MUC5AC: variants seen among roughly 807,000 people sequenced by gnomAD.
MUC5AC encodes the protein mucin-5AC.
A neutral mutation model predicts 169.7 loss-of-function variants in MUC5AC; 158 were observed. That is an observed-to-expected ratio of 0.93 (90% confidence interval 0.82 to 1.06). The LOEUF (loss-of-function observed/expected upper bound fraction) is 1.06. MUC5AC is among the 50% of genes least tolerant of loss of function. The pLI is 0.00. For missense variants in MUC5AC, 4,359 were observed against 3,089.9 expected, an observed-to-expected ratio of 1.41 and a Z score of -9.74; for synonymous variants, 1,975 against 1,237.0, an observed-to-expected ratio of 1.60 and a Z score of -12.52.
intron 16 of MUC5AC, among the ~76,000 whole-genome samples, chr11:1,173,163 CACCT>C (rs1860589648): frequency 6.6e-6 from 1 of 152,150 alleles, no homozygotes; most frequent in Admixed American, 6.5e-5. Context: ...CTAATTCCTT[CACCT>C]ACTCATCTAC....
chr11:1,178,745 C>T, intron 25 of MUC5AC, 62 bp downstream of exon 25: 2 of 903,262 alleles, frequency 2.2e-6, no homozygotes, highest in Non-Finnish European at 2.9e-6. Flanking sequence ...AAGGAGCCCC[C>T]AGAAGGGAGA....
chr11:1,175,192 A>C, intron 18 of MUC5AC, 26 bp from the exon 19 acceptor site: 1 of 398,730 alleles, frequency 2.5e-6, no homozygotes, highest in East Asian at 3.6e-5. Flanking sequence ...GCCCAGGCTG[A>C]GGCTCTGACC....
Position 1,187,795 on chromosome 11 carries a change from C to G in MUC5AC, c.9650C>G (p.Pro3217Arg), listed in dbSNP as rs1554928351. 1 of 765,012 alleles carries G rather than the reference C, an allele frequency of 1.3e-6. No homozygotes were observed. The highest frequency in any genetic ancestry group is 2.4e-6 in the Non-Finnish European group (1 of 417,866). 47.4% of individuals were successfully genotyped at this position (765,012 alleles called of 1,614,324 possible). ...ATATCCAAGACAACCCACTCCCAAC[C>G]AGTCACCAGAGACTGTCATCTCCGG... ...VSISKTTHSQ[P>R]VTRDCHLRCT... Residue 3217 changes from proline (P) to arginine (R), a missense_variant, in exon 31 of 49, where the codon CCA (proline) becomes CGA (arginine). By Grantham distance (103) the Pro-to-Arg change is moderately radical (BLOSUM62 -2). Coordinates refer to ENST00000621226, the MANE Select transcript of MUC5AC (RefSeq NM_001304359.2).
chr11:1,182,061 C>T (rs1590143710), intron 30 of MUC5AC, 94 bp from the exon 31 acceptor site: 8 of 397,230 alleles, frequency 2.0e-5, no homozygotes, highest in East Asian at 1.4e-4. Flanking sequence ...GACCTGCTGG[C>T]GCAGCTCCAG....
At position 1,180,601 on chromosome 11, in the gene MUC5AC, C is replaced by T. The variant is rs989642787; in HGVS notation, c.3776+85C>T. The T allele has an allele frequency of 2.5e-3, 977 of 398,628 alleles. 4 individuals carry two copies. Among genetic ancestry groups the T allele is most frequent in the Middle Eastern group, 0.013 (21 of 1,592 alleles). 24.7% of individuals were successfully genotyped at this position (398,628 alleles called of 1,614,324 possible). On this transcript the variant is annotated intron_variant, in intron 28 of 48. Coordinates refer to ENST00000621226, the MANE Select transcript of MUC5AC (RefSeq NM_001304359.2). ...CCTGGGCTTTGGGTGGGGCTGGGAG[C>T]GGCAGGGCTGGGGACCTCCCCGTTA...
At chr11:1,197,768 G>A (rs79256384) in intron 41 of MUC5AC, 129 bp downstream of exon 41, 8 of 629,372 alleles carry the variant, frequency 1.3e-5, no homozygotes, top group East Asian at 2.7e-5. Context: ...CCCCTCCTCC[G>A]CTTCCGCAAC....
Position 1,164,207 on chromosome 11 carries a change from C to G in MUC5AC, c.891C>G (p.Phe297Leu). 6.2e-7 allele frequency: 1 copy of G among 1,612,646 alleles called. No homozygotes were observed. Among genetic ancestry groups the G allele is most frequent in the South Asian group, 1.1e-5 (1 of 91,090 alleles). The stretch of plus-strand genomic sequence containing the variant: ...AGGCTTGCAGGCAAGACCTCTGCTT[C>G]TGTGAAGACACCGACCTGCTCAGCT... ...YLEACRQDLCFCEDTDLLSCV... is the reference protein window; with the variant it reads ...YLEACRQDLCLCEDTDLLSCV... Residue 297 changes from phenylalanine (F) to leucine (L), a missense_variant, in exon 8 of 49, where the codon TTC becomes TTG. Transcript: ENST00000621226.
Position 1,199,453 on chromosome 11 carries a change from C to T in MUC5AC, c.16478C>T (p.Thr5493Ile). The change falls in exon 46 of 49, where the codon ACC (threonine) becomes ATC (isoleucine). Residue 5493 changes from threonine to isoleucine, a missense_variant. Physicochemically the swap from Thr to Ile is moderately conservative, Grantham distance 89 (BLOSUM62 -1). Transcript: ENST00000621226. The stretch of plus-strand genomic sequence containing the variant: ...CACCAGGATGGGCTCGTGGTGGTCA[C>T]CACGAAGAAGGCGTGCCCCCCGCTC... ...EKHQDGLVVVTTKKACPPLSC... is the reference protein window; with the variant it reads ...EKHQDGLVVVITKKACPPLSC... The T allele has an allele frequency of 2.8e-6, 2 of 727,080 alleles. No homozygotes were observed. The highest frequency in any genetic ancestry group is 1.4e-5 in the South Asian group (1 of 69,242). 45.0% of individuals were successfully genotyped at this position (727,080 alleles called of 1,614,324 possible).
chr11:1,176,608 T>G lies in MUC5AC; in HGVS notation c.2597T>G (p.Val866Gly), dbSNP rs1018329732. 2.0e-4 allele frequency: 78 copies of G among 398,988 alleles called. No individual in the cohort carries two copies. Among genetic ancestry groups the G allele is most frequent in the African/African-American group, 1.3e-3 (65 of 48,766 alleles). The allele number at this position is 398,988 out of a possible 1,614,324, so 24.7% of individuals were successfully genotyped here. The change falls in exon 21 of 49, where the codon GTG (valine) becomes GGG (glycine). Residue 866 changes from valine to glycine, a missense_variant. Val to Gly is a moderately radical substitution (Grantham distance 109, BLOSUM62 -3). Coordinates refer to ENST00000621226, the MANE Select transcript of MUC5AC (RefSeq NM_001304359.2). ...ATCACTGCGGAGGACTGCCCCTGCG[T>G]GCACAATGAGGCCAGCTACCGGGCC... ...GCITAEDCPC[V>G]HNEASYRAGQ...
At position 1,191,551 on chromosome 11, in the gene MUC5AC, C is replaced by T. The variant is rs1861097253; in HGVS notation, c.13406C>T (p.Pro4469Leu). The change falls in exon 31 of 49, where the codon CCT becomes CTT. Residue 4469 changes from proline (P) to leucine (L), a missense_variant. Physicochemically the swap from Pro to Leu is moderately conservative, Grantham distance 98. Coordinates refer to ENST00000621226, the MANE Select transcript of MUC5AC (RefSeq NM_001304359.2). ...CCTACAACCAGCACAACCTCTGCTCCTATAACCAGCATGACCTCTGGTCCT... is the reference window on the plus strand; with the variant it reads ...CCTACAACCAGCACAACCTCTGCTCTTATAACCAGCATGACCTCTGGTCCT... ...SLPTTSTTSAPITSMTSGPGT... is the reference protein window; with the variant it reads ...SLPTTSTTSALITSMTSGPGT... The T allele has an allele frequency of 4.6e-6, 3 of 647,378 alleles. No individual in the cohort carries two copies. Among genetic ancestry groups the T allele is most frequent in the African/African-American group, 1.8e-5 (1 of 54,870 alleles). 40.1% of individuals were successfully genotyped at this position (647,378 alleles called of 1,614,324 possible). A position where few individuals can be genotyped will look rare whatever the true frequency, so the allele number is the denominator to read the frequency against.
In MUC5AC at chr11:1,200,617, A is replaced by C; in HGVS notation, c.16880A>C (p.His5627Pro). 1.3e-6 allele frequency: 1 copy of C among 764,268 alleles called. No homozygotes were observed. The highest frequency in any genetic ancestry group is 2.4e-5 in the East Asian group (1 of 41,200). The allele number at this position is 764,268 out of a possible 1,614,324, so 47.3% of individuals were successfully genotyped here. Residue 5627 changes from histidine (H) to proline (P), a missense_variant, in exon 49 of 49, where the codon CAC (histidine) becomes CCC (proline). By Grantham distance (77) the His-to-Pro change is moderately conservative. Coordinates refer to ENST00000621226, the MANE Select transcript of MUC5AC (RefSeq NM_001304359.2). Reference sequence around the variant, plus strand: ...TGCCCTGCGCCGGGCGACACCCAGCACTCGGAGGAGGCGGAACCCGAGCCC... The same window carrying C: ...TGCCCTGCGCCGGGCGACACCCAGCCCTCGGAGGAGGCGGAACCCGAGCCC... The part of the protein sequence containing the change: ...RRCPAPGDTQ[H>P]SEEAEPEPSQ...
At chr11:1,163,794 G>A in intron 6 of MUC5AC, 88 bp from the exon 7 acceptor site, 1 of 1,061,498 alleles carries the variant, frequency 9.4e-7, no homozygotes, top group Non-Finnish European at 1.4e-6. Flanking sequence ...CCACCCCAGG[G>A]ACCCGGCCCT....
intron 16 of MUC5AC, among the ~76,000 whole-genome samples, chr11:1,173,019 C>T (rs938764984): frequency 4.6e-5 from 7 of 150,994 alleles, no homozygotes; most frequent in Non-Finnish European, 1.0e-4. Flanking sequence ...CCCATTCGCC[C>T]CCCCACTCAC....
chr11:1,187,598 T>A lies in MUC5AC; in HGVS notation c.9453T>A (p.Gly3151=). The change falls in exon 31 of 49, where the codon GGT becomes GGA. Residue 3151 remains glycine, a synonymous_variant. Transcript: ENST00000621226. ...CCTCTACAGCCAGCAAAACCTCTGGTCCTGGAACCACTCCCAGCCCTGTTC... is the reference window on the plus strand; with the variant it reads ...CCTCTACAGCCAGCAAAACCTCTGGACCTGGAACCACTCCCAGCCCTGTTC... ...TSASTASKTS[G]PGTTPSPVPT... 6 of 760,668 alleles carry A rather than the reference T, an allele frequency of 7.9e-6. No individual in the cohort carries two copies. Among genetic ancestry groups the A allele is most frequent in the Non-Finnish European group, 1.2e-5 (5 of 415,820 alleles). The allele number at this position is 760,668 out of a possible 1,614,324, so 47.1% of individuals were successfully genotyped here.
intron 43 of MUC5AC, 52 bp downstream of exon 43, chr11:1,198,357 C>T: frequency 2.8e-6 from 2 of 716,184 alleles, no homozygotes; most frequent in East Asian, 2.6e-5. Context: ...GAGCTTCCCA[C>T]TGACCCTGAG....
chr11:1,180,444 C>T lies in MUC5AC; in HGVS notation c.3704C>T (p.Pro1235Leu). Residue 1235 changes from proline (P) to leucine (L), a missense_variant, in exon 28 of 49, where the codon CCA becomes CTA. Physicochemically the swap from Pro to Leu is moderately conservative, Grantham distance 98 (BLOSUM62 -3). Coordinates refer to ENST00000621226, the MANE Select transcript of MUC5AC (RefSeq NM_001304359.2). ...ACCTGCCCAACCCCGCCTCTGCCAC[C>T]ACGGTGCCACGTCCATGGGAAGTCC... is the stretch of plus-strand genomic sequence containing the variant. ...VATCPTPPLP[P>L]RCHVHGKSYR... 2.5e-6 allele frequency: 1 copy of T among 398,884 alleles called. No individual in the cohort carries two copies. Among genetic ancestry groups the T allele is most frequent in the Non-Finnish European group, 4.4e-6 (1 of 226,232 alleles). The allele number at this position is 398,884 out of a possible 1,614,324, so 24.7% of individuals were successfully genotyped here. A position where few individuals can be genotyped will look rare whatever the true frequency, so the allele number is the denominator to read the frequency against.
chr11:1,187,718 T>G lies in MUC5AC; in HGVS notation c.9573T>G (p.Val3191=). The G allele has an allele frequency of 1.3e-6, 1 of 764,962 alleles. No individual in the cohort carries two copies. Among genetic ancestry groups the G allele is most frequent in the Non-Finnish European group, 2.4e-6 (1 of 417,802 alleles). 47.4% of individuals were successfully genotyped at this position (764,962 alleles called of 1,614,324 possible). ...GTCCTGGAACCACTCCCAGCCCCGTTCCCACCACCAGCACAGCCTCTGTTT... is the reference window on the plus strand; with the variant it reads ...GTCCTGGAACCACTCCCAGCCCCGTGCCCACCACCAGCACAGCCTCTGTTT... ...TPGPGTTPSP[V]PTTSTASVSK... The change falls in exon 31 of 49, where the codon GTT becomes GTG. Residue 3191 remains valine (V), a synonymous_variant. Transcript: ENST00000621226.
Position 1,192,522 on chromosome 11 carries a change from G to T in MUC5AC, c.14377G>T (p.Ala4793Ser), listed in dbSNP as rs777115878. 1.3e-6 allele frequency: 1 copy of T among 764,226 alleles called. No homozygotes were observed. The highest frequency in any genetic ancestry group is 2.4e-6 in the Non-Finnish European group (1 of 417,172). 47.3% of individuals were successfully genotyped at this position (764,226 alleles called of 1,614,324 possible). ...CAACGTGGCTGACCGGCTCTACCCT[G>T]CAGGTTCGTGAGTGTTTCTGGTGCA... is the stretch of plus-strand genomic sequence containing the variant. ...FCNVADRLYP[A>S]GSTIYRHRDL... Residue 4793 changes from alanine to serine, a missense_variant, in exon 31 of 49, where the codon GCA (alanine) becomes TCA (serine). Ala to Ser is a moderately conservative substitution (Grantham distance 99). Coordinates refer to ENST00000621226, the MANE Select transcript of MUC5AC (RefSeq NM_001304359.2).
At position 1,160,705 on chromosome 11, in the gene MUC5AC, C is replaced by CTTA. The variant is rs765199485; in HGVS notation, c.151+16_151+17insTTA. 1.9e-6 allele frequency: 3 copies of CTTA among 1,602,652 alleles called. No homozygotes were observed. Among genetic ancestry groups the CTTA allele is most frequent in the Non-Finnish European group, 2.6e-6 (3 of 1,175,948 alleles). On this transcript the variant is annotated intron_variant, in intron 2 of 48. Transcript: ENST00000621226. ...GGGCCCAGCGGTGAGTCTGAGTGTC[C>CTTA]GGCCCCCACCCTAAGCCTGTCAGAT...
Sources: allele counts gnomAD v4.1 joint callset (sites outside exome capture counted in the v4.1 genomes callset), GRCh38; gene constraint gnomAD v4.1.1; transcripts MANE v1.5; gene names NCBI Gene and HGNC (gene_info 2026-07-23, HGNC 2026-07-21).